Variants in BAZ2B observed in about 807,000 individuals in gnomAD.
The protein encoded by BAZ2B is bromodomain adjacent to zinc finger domain 2B.
In BAZ2B, 91 loss-of-function variants were observed where a neutral mutation model predicts 246.0. The ratio of observed to expected loss-of-function variants is 0.37; its 90% CI spans 0.31 to 0.44. The LOEUF (loss-of-function observed/expected upper bound fraction) is 0.44. Ranked by LOEUF, BAZ2B falls within the 20% of genes least tolerant of loss-of-function variation. BAZ2B has a pLI of 1.00. For missense variants in BAZ2B, 2,332 were observed against 2,533.7 expected, an observed-to-expected ratio of 0.92 and a Z score of 1.71; for synonymous variants, 855 against 860.0, an observed-to-expected ratio of 0.99 and a Z score of 0.10.
chr2:159,692,743 A>C, the BAZ2B span, among the ~76,000 whole-genome samples: 1 of 152,306 alleles, frequency 6.6e-6, no homozygotes, highest in South Asian at 2.1e-4. Flanking sequence ...TGTGCAGTTC[A>C]AACTTGTTTT....
chr2:159,488,628 TTA>T (rs952162154), intron 2 of BAZ2B, among the ~76,000 whole-genome samples: 3 of 152,228 alleles, frequency 2.0e-5, no homozygotes, highest in African/African-American at 4.8e-5. Flanking sequence ...CATTGGTTTT[TTA>T]TATGTTTCAG....
chr2:159,657,667 C>T, the BAZ2B span, among the ~76,000 whole-genome samples: 1 of 152,128 alleles, frequency 6.6e-6, no homozygotes, highest in Non-Finnish European at 1.5e-5. Context: ...TCATATAGTT[C>T]TGGTACATAC....
intron 3 of BAZ2B, among the ~76,000 whole-genome samples, chr2:159,472,800 T>C (rs1047735023): frequency 6.6e-6 from 1 of 152,226 alleles, no homozygotes; most frequent in Non-Finnish European, 1.5e-5. Flanking sequence ...TTGATTTGTG[T>C]ATGTTGAACC....
intron 2 of BAZ2B, among the ~76,000 whole-genome samples, chr2:159,507,749 C>T (rs1319381120): frequency 2.6e-5 from 4 of 151,910 alleles, no homozygotes; most frequent in Admixed American, 2.6e-4. Flanking sequence ...AAGAGTTATA[C>T]TAAAGGTATG....
the BAZ2B span, among the ~76,000 whole-genome samples, chr2:159,652,618 A>AT: frequency 2.5e-4 from 38 of 151,390 alleles, no homozygotes; most frequent in African/African-American, 8.5e-4. Context: ...TGCAAGAAAT[A>AT]TTTTTTTTTG....
intron 2 of BAZ2B, among the ~76,000 whole-genome samples, chr2:159,540,744 T>C (rs1370785889): frequency 2.6e-5 from 4 of 152,194 alleles, no homozygotes; most frequent in Non-Finnish European, 5.9e-5. Context: ...GACAAAACGA[T>C]ACTTGGAAAC....
intron 2 of BAZ2B, among the ~76,000 whole-genome samples, chr2:159,504,003 T>G (rs2151129379): frequency 6.6e-6 from 1 of 152,304 alleles, no homozygotes; most frequent in South Asian, 2.1e-4. Context: ...TACTGTAAAC[T>G]TAGTAAGGCA....
the BAZ2B span, among the ~76,000 whole-genome samples, chr2:159,670,977 G>A: frequency 6.6e-6 from 1 of 152,100 alleles, no homozygotes; most frequent in African/African-American, 2.4e-5. Context: ...GTTTCCTGAC[G>A]AAAAAATGTT....
intron 1 of BAZ2B, among the ~76,000 whole-genome samples, chr2:159,569,157 G>A (rs1026832796): frequency 6.6e-6 from 1 of 152,048 alleles, no homozygotes; most frequent in Non-Finnish European, 1.5e-5. Flanking sequence ...ACTACTCAGC[G>A]ATGTTCTCAA....
intron 1 of BAZ2B, among the ~76,000 whole-genome samples, chr2:159,561,534 C>T (rs977700051): frequency 3.9e-5 from 6 of 152,146 alleles, no homozygotes; most frequent in African/African-American, 1.4e-4. Flanking sequence ...AGCCTATAAC[C>T]AAATGTGGTT....
chr2:159,595,617 G>C (rs1262686866), intron 1 of BAZ2B, among the ~76,000 whole-genome samples: 1 of 152,134 alleles, frequency 6.6e-6, no homozygotes, highest in Admixed American at 6.5e-5. Flanking sequence ...TAGTCACTTC[G>C]ACTAAAAGTT....
the BAZ2B span, among the ~76,000 whole-genome samples, chr2:159,645,271 TA>T: frequency 1.4e-4 from 16 of 118,192 alleles, no homozygotes; most frequent in Admixed American, 4.1e-4. Context: ...GCCCTGTCTC[TA>T]AAAAAAGTTT....
intron 14 of BAZ2B, among the ~76,000 whole-genome samples, chr2:159,405,808 C>T (rs1336150969): frequency 6.6e-6 from 1 of 151,054 alleles, no homozygotes; most frequent in African/African-American, 2.4e-5. Flanking sequence ...TCAGTCTTAA[C>T]ATATAAAAAA....
chr2:159,573,094 G>A (rs1197007327), intron 1 of BAZ2B, among the ~76,000 whole-genome samples: 1 of 152,136 alleles, frequency 6.6e-6, no homozygotes, highest in East Asian at 1.9e-4. Context: ...AAAATTAGGG[G>A]TGGGGTATAA....
the BAZ2B span, among the ~76,000 whole-genome samples, chr2:159,621,600 G>A: frequency 2.6e-5 from 4 of 152,138 alleles, no homozygotes; most frequent in Admixed American, 1.3e-4. Context: ...ATGAGAAATT[G>A]ACCCAAGTAC....
chr2:159,366,310 T>A (rs1007552786), intron 27 of BAZ2B, among the ~76,000 whole-genome samples: 2 of 152,184 alleles, frequency 1.3e-5, no homozygotes, highest in African/African-American at 4.8e-5. Context: ...CAGAAAAACA[T>A]AAATGCCAAG....
chr2:159,401,962 T>C (rs1024883834), intron 16 of BAZ2B, among the ~76,000 whole-genome samples: 5 of 152,202 alleles, frequency 3.3e-5, no homozygotes, highest in Non-Finnish European at 5.9e-5. Context: ...GTTGTACCTA[T>C]TGAAGCTATA....
rs1392251137 is a variant in BAZ2B, at chr2:159,337,713, T to A, written c.5514A>T (p.Lys1838Asn). The change falls in exon 32 of 37, where the codon AAA becomes AAT. Residue 1838 changes from lysine (K) to asparagine (N), a missense_variant. Physicochemically the swap from Lys to Asn is moderately conservative, Grantham distance 94. This residue lies in a region of BAZ2B where 676 missense variants were observed against 668.6 expected (regional missense o/e 1.01). Coordinates refer to ENST00000392783, the MANE Select transcript of BAZ2B (RefSeq NM_013450.4). Reference protein sequence around the residue: ...EREDLVYFEHKSFTKLCKEHD... With the variant: ...EREDLVYFEHNSFTKLCKEHD... ...GCTCCTTGCACAATTTAGTAAATGATTTATGTTCAAAATATACCAAGTCCT... is the reference window on the plus strand; with the variant it reads ...GCTCCTTGCACAATTTAGTAAATGAATTATGTTCAAAATATACCAAGTCCT... The A allele has an allele frequency of 1.9e-6, 3 of 1,614,064 alleles. No individual in the cohort carries two copies. Among genetic ancestry groups the A allele is most frequent in the Non-Finnish European group, 1.7e-6 (2 of 1,180,038 alleles).
At chr2:159,399,030 T>C (rs1254773406) in intron 17 of BAZ2B, 136 bp from the exon 18 acceptor site, 3 of 629,760 alleles carry the variant, frequency 4.8e-6, no homozygotes, top group African/African-American at 1.9e-5. Flanking sequence ...AATTACAGAT[T>C]TCCCCCCAGT....
Sources: allele counts gnomAD v4.1 joint callset (sites outside exome capture counted in the v4.1 genomes callset), GRCh38; gene constraint gnomAD v4.1.1; regional missense constraint gnomAD v4.1.1; transcripts MANE v1.5; gene names NCBI Gene and HGNC (gene_info 2026-07-23, HGNC 2026-07-21).